The following VCF1 variants were observed in gnomAD, a reference collection of about 807,000 sequenced individuals.
The protein encoded by VCF1 is VCP nuclear cofactor family member 1, also known as protein VCF1.
At chr17:73,224,875 GACAGC>G in the VCF1 span, among the ~76,000 whole-genome samples, 455 of 44,950 alleles carry the variant, frequency 0.01, 11 homozygotes, top group African/African-American at 0.032. Context: ...CACAGGACAG[GACAGC>G]ACAGCACAGG....
chr17:73,217,101 G>A, the VCF1 span, among the ~76,000 whole-genome samples: 3 of 152,216 alleles, frequency 2.0e-5, no homozygotes, highest in South Asian at 4.1e-4. Context: ...AGGCCAAGGC[G>A]GGTGGATCAG....
chr17:73,210,095 C>CT, the VCF1 span, among the ~76,000 whole-genome samples: 1 of 152,192 alleles, frequency 6.6e-6, no homozygotes, highest in African/African-American at 2.4e-5. Flanking sequence ...TCTATACCTG[C>CT]TTTTCCCATT....
At chr17:73,232,394 G>C in the VCF1 span, 2 of 1,405,920 alleles carry the variant, frequency 1.4e-6, no homozygotes, top group Non-Finnish European at 1.9e-6. Flanking sequence ...CACGGGAAGA[G>C]GCGGGCTCGG....
At chr17:73,210,757 A>AT in the VCF1 span, among the ~76,000 whole-genome samples, 174 of 135,106 alleles carry the variant, frequency 1.3e-3, no homozygotes, top group South Asian at 6.2e-3. Context: ...ATGCCTCGTT[A>AT]TTTTTTTTTT....
the VCF1 span, among the ~76,000 whole-genome samples, chr17:73,218,675 G>A: frequency 6.6e-6 from 1 of 152,038 alleles, no homozygotes; most frequent in African/African-American, 2.4e-5. Flanking sequence ...ACCTGGGCTC[G>A]GGAGTTCGAG....
chr17:73,231,456 G>A, the VCF1 span, among the ~76,000 whole-genome samples: 3 of 152,114 alleles, frequency 2.0e-5, no homozygotes, highest in Admixed American at 2.0e-4. Context: ...AGTGCATCGC[G>A]ATAAAATCTT....
At chr17:73,225,042 C>CAACAGCACAGCACAGCATA in the VCF1 span, among the ~76,000 whole-genome samples, 1 of 151,960 alleles carries the variant, frequency 6.6e-6, no homozygotes, top group Non-Finnish European at 1.5e-5. Context: ...CAGCACAGGA[C>CAACAGCACAGCACAGCATA]GGCACAGCAG....
the VCF1 span, chr17:73,208,083 C>A: frequency 1.4e-6 from 2 of 1,424,208 alleles, no homozygotes; most frequent in Admixed American, 5.3e-5. Context: ...TGTGTCTACC[C>A]TTTTCCCAAG....
chr17:73,209,325 A>C, the VCF1 span: 5 of 644,840 alleles, frequency 7.8e-6, no homozygotes, highest in Non-Finnish European at 1.3e-5. Context: ...CCTATAAAAA[A>C]TTGCTTCAAA....
At chr17:73,208,671 AT>A in the VCF1 span, 1 of 599,310 alleles carries the variant, frequency 1.7e-6, no homozygotes, top group Non-Finnish European at 3.0e-6. Context: ...GGTAGCTTAC[AT>A]TTTATCAGCG....
the VCF1 span, among the ~76,000 whole-genome samples, chr17:73,218,622 C>T: frequency 3.9e-5 from 6 of 152,264 alleles, no homozygotes; most frequent in African/African-American, 1.2e-4. Flanking sequence ...CGGTGGCTCA[C>T]GCCTGTAATC....
chr17:73,208,136 T>C, the VCF1 span: 2 of 1,494,918 alleles, frequency 1.3e-6, no homozygotes, highest in Admixed American at 2.1e-5. Context: ...CAAAGGCTCA[T>C]GCTGTTCCGT....
At chr17:73,229,403 T>C in the VCF1 span, 1 of 985,488 alleles carries the variant, frequency 1.0e-6, no homozygotes, top group Non-Finnish European at 1.2e-6. Context: ...GACCAGGTTA[T>C]GATTTTAGCA....
At chr17:73,230,720 C>A in the VCF1 span, among the ~76,000 whole-genome samples, 1 of 152,160 alleles carries the variant, frequency 6.6e-6, no homozygotes, top group African/African-American at 2.4e-5. Flanking sequence ...CTTAGACCAT[C>A]CTAGAGCTGG....
At chr17:73,228,947 A>C in the VCF1 span, among the ~76,000 whole-genome samples, 16 of 152,254 alleles carry the variant, frequency 1.1e-4, no homozygotes, top group African/African-American at 3.9e-4. Flanking sequence ...CTGCTGAGTC[A>C]CTCTAACCAA....
the VCF1 span, chr17:73,208,912 A>G: frequency 2.1e-5 from 6 of 288,736 alleles, no homozygotes; most frequent in Non-Finnish European, 2.7e-5. Flanking sequence ...AAATACAAAT[A>G]TATAACAAAG....
chr17:73,208,487 TACC>T, the VCF1 span: 3 of 1,604,592 alleles, frequency 1.9e-6, no homozygotes, highest in Non-Finnish European at 8.5e-7. Flanking sequence ...AAATAAATAC[TACC>T]ACATTATTTC....
At chr17:73,223,258 G>A in the VCF1 span, among the ~76,000 whole-genome samples, 1 of 152,098 alleles carries the variant, frequency 6.6e-6, no homozygotes, top group Non-Finnish European at 1.5e-5. Flanking sequence ...CAGAGGTTAT[G>A]GCAAGCCGAG....
chr17:73,224,743 T>G, the VCF1 span, among the ~76,000 whole-genome samples: 2 of 152,226 alleles, frequency 1.3e-5, no homozygotes, highest in African/African-American at 4.8e-5. Flanking sequence ...AGATATTCCC[T>G]CTGCCTTTTG....
Sources: gnomAD v4.1 joint callset for allele counts (sites outside exome capture counted in the v4.1 genomes callset) on GRCh38, gnomAD v4.1.1 for gene constraint, MANE v1.5 for transcripts, NCBI Gene and HGNC (gene_info 2026-07-23, HGNC 2026-07-21) for gene names.